IGF1R: variants seen among roughly 807,000 people sequenced by gnomAD.
IGF1R encodes insulin-like growth factor 1 receptor.
IGF1R carries 44 observed loss-of-function variants against 144.6 expected under a neutral mutation model. The ratio of observed to expected loss-of-function variants is 0.30; its 90% confidence interval spans 0.24 to 0.39. IGF1R has a LOEUF of 0.39. IGF1R is among the 10% of genes least tolerant of loss of function. The pLI, the probability that IGF1R is intolerant of heterozygous loss-of-function variation, is 1.00. For synonymous variants in IGF1R, 795 were observed against 722.8 expected (o/e 1.10, Z -1.60); for missense variants, 1,355 against 1,833.7 (o/e 0.74, Z 4.77).
chr15:98,962,244 G>A lies in IGF1R; in HGVS notation c.*4802G>A, dbSNP rs189255417. On this transcript the variant is annotated 3_prime_UTR_variant, in exon 21 of 21. Transcript: ENST00000650285. ...CTTCTAAAACACAGGCGCCCTCCTG[G>A]TGACAGTGACCCGCCGTGGTATGCC... 1.6e-3 allele frequency: 373 copies of A among 233,382 alleles called. 1 individual carries two copies. Among genetic ancestry groups the A allele is most frequent in the African/African-American group, 7.6e-3 (344 of 45,474 alleles). 14.5% of individuals were successfully genotyped at this position (233,382 alleles called of 1,614,324 possible). A position where few individuals can be genotyped will look rare whatever the true frequency, so the allele number is the denominator to read the frequency against.
At chr15:98,955,309 C>T (rs764742629) in intron 20 of IGF1R, among the ~76,000 whole-genome samples, 4 of 152,234 alleles carry the variant, frequency 2.6e-5, no homozygotes, top group Non-Finnish European at 5.9e-5. Context: ...AAGAAGCATA[C>T]TGTGGGGGCC....
At chr15:98,697,706 G>A (rs117212126) in intron 1 of IGF1R, among the ~76,000 whole-genome samples, 2 of 75,510 alleles carry the variant, frequency 2.6e-5, no homozygotes, top group Non-Finnish European at 4.8e-5. Flanking sequence ...TACTTAAATT[G>A]TGGTGAAATA....
At chr15:98,898,360 G>A (rs1237999117) in intron 4 of IGF1R, among the ~76,000 whole-genome samples, 2 of 152,202 alleles carry the variant, frequency 1.3e-5, no homozygotes, top group Non-Finnish European at 2.9e-5. Flanking sequence ...GCATGATGAT[G>A]AAATGTGTCT....
chr15:98,874,883 T>A (rs545236964), intron 2 of IGF1R, among the ~76,000 whole-genome samples: 1 of 152,308 alleles, frequency 6.6e-6, no homozygotes, highest in South Asian at 2.1e-4. Flanking sequence ...GCCGTTCTCT[T>A]CTCCAGAGCA....
In IGF1R at chr15:98,959,451, A is replaced by C. The variant is rs1430832942; in HGVS notation, c.*2009A>C. The C allele has an allele frequency of 4.3e-6, 1 of 233,490 alleles. No individual in the cohort carries two copies. The highest frequency in any genetic ancestry group is 8.5e-6 in the Non-Finnish European group (1 of 118,152). The allele number at this position is 233,490 out of a possible 1,614,324, so 14.5% of individuals were successfully genotyped here. A position where few individuals can be genotyped will look rare whatever the true frequency, so the allele number is the denominator to read the frequency against. On this transcript the variant is annotated 3_prime_UTR_variant, in exon 21 of 21. Coordinates refer to ENST00000650285, the MANE Select transcript of IGF1R (RefSeq NM_000875.5). ...CTCCTTCGCACTGGCGTTGAGTGGGACCCCGGGATCCAGGCTGGCCCAGGG... is the reference window on the plus strand; with the variant it reads ...CTCCTTCGCACTGGCGTTGAGTGGGCCCCCGGGATCCAGGCTGGCCCAGGG...
At chr15:98,921,906 G>C (rs2015503938) in intron 10 of IGF1R, among the ~76,000 whole-genome samples, 1 of 152,018 alleles carries the variant, frequency 6.6e-6, no homozygotes, top group Non-Finnish European at 1.5e-5. Context: ...TAAAATCGAA[G>C]AACCACTCTG....
At position 98,935,079 on chromosome 15, in the gene IGF1R, A is replaced by AAAT; in HGVS notation, c.3186+27_3186+29dup. 6.4e-7 allele frequency: 1 copy of AAAT among 1,558,856 alleles called. No individual in the cohort carries two copies. The highest frequency in any genetic ancestry group is 8.8e-7 in the Non-Finnish European group (1 of 1,129,984). On this transcript the variant is annotated intron_variant, in intron 16 of 20. Coordinates refer to ENST00000650285, the MANE Select transcript of IGF1R (RefSeq NM_000875.5). The surrounding 1 kb of genome is among the most constrained non-coding windows in gnomAD (Gnocchi z 4.2). Reference sequence around the variant, plus strand: ...GTAAGAGAAAGTTCCTGAAAAGCCAAAATGCAGCACAGGGAGAGGGTATCA... The same window carrying AAAT: ...GTAAGAGAAAGTTCCTGAAAAGCCAAAATAATGCAGCACAGGGAGAGGGTATCA...
At chr15:98,683,653 A>C (rs866776184) in intron 1 of IGF1R, among the ~76,000 whole-genome samples, 1 of 152,224 alleles carries the variant, frequency 6.6e-6, no homozygotes, top group Admixed American at 6.5e-5. Flanking sequence ...ATCCTCTTAT[A>C]TAAGTGCATC....
At chr15:98,666,966 A>T (rs2052757877) in intron 1 of IGF1R, among the ~76,000 whole-genome samples, 1 of 152,096 alleles carries the variant, frequency 6.6e-6, no homozygotes, top group Non-Finnish European at 1.5e-5. Flanking sequence ...ATATGTGTGG[A>T]ATAGTTGGGG....
rs114041789 is a variant in IGF1R, at chr15:98,767,733, T to C, written c.640+59626T>C. Among the ~76,000 whole-genome samples, 904 of 152,308 alleles carry C rather than the reference T, an allele frequency of 5.9e-3. 10 individuals are homozygous for C. The highest frequency in any genetic ancestry group is 0.021 in the African/African-American group (865 of 41,558). The stretch of plus-strand genomic sequence containing the variant: ...AATAGAGCGCACGAACAAAAAACTT[T>C]CCACTTGAACCCATGTTGTTTCATC... On this transcript the variant is annotated intron_variant, in intron 2 of 20. Transcript: ENST00000650285.
intron 2 of IGF1R, among the ~76,000 whole-genome samples, chr15:98,881,401 A>G (rs887612372): frequency 6.6e-6 from 1 of 152,142 alleles, no homozygotes; most frequent in Admixed American, 6.5e-5. Context: ...GCTCACTGCA[A>G]CCTCCGCCTC....
chr15:98,902,820 A>G (rs1336964757), intron 5 of IGF1R, among the ~76,000 whole-genome samples: 1 of 152,218 alleles, frequency 6.6e-6, no homozygotes, highest in Non-Finnish European at 1.5e-5. Flanking sequence ...GAACAGAACA[A>G]TTCAAGGTAC....
intron 1 of IGF1R, among the ~76,000 whole-genome samples, chr15:98,652,155 C>T (rs1335213043): frequency 4.6e-5 from 7 of 152,154 alleles, no homozygotes. Flanking sequence ...GAAGCAGAGG[C>T]AGTCATATGG....
chr15:98,829,846 C>A (rs917829187), intron 2 of IGF1R, among the ~76,000 whole-genome samples: 1 of 152,168 alleles, frequency 6.6e-6, no homozygotes, highest in African/African-American at 2.4e-5. Flanking sequence ...TTTGGTGAAA[C>A]CTGATAACCT....
intron 2 of IGF1R, among the ~76,000 whole-genome samples, chr15:98,854,862 C>G (rs2011708700): frequency 6.6e-6 from 1 of 152,016 alleles, no homozygotes; most frequent in South Asian, 2.1e-4. Flanking sequence ...GTACGAGTAC[C>G]CTGGCCTGGC....
intron 2 of IGF1R, among the ~76,000 whole-genome samples, chr15:98,763,455 C>T (rs1318929688): frequency 6.7e-6 from 1 of 149,848 alleles, no homozygotes; most frequent in African/African-American, 2.4e-5. Context: ...GGCTGGGACT[C>T]CTGATTTTTT....
At position 98,935,131 on chromosome 15, in the gene IGF1R, T is replaced by G. The variant is rs1011051417; in HGVS notation, c.3186+78T>G. The G allele has an allele frequency of 1.6e-6, 2 of 1,261,274 alleles. No individual in the cohort carries two copies. The highest frequency in any genetic ancestry group is 2.3e-6 in the Non-Finnish European group (2 of 867,822). The allele number at this position is 1,261,274 out of a possible 1,614,324, so 78.1% of individuals were successfully genotyped here. ...ACAAGCCTCCCAGTATGTTCTTGGC[T>G]GCATGTACCCGTGGGTTTGGTGTCT... On this transcript the variant is annotated intron_variant, in intron 16 of 20. Transcript: ENST00000650285. The surrounding 1 kb of genome is among the most constrained non-coding windows in gnomAD (Gnocchi z 4.2).
intron 1 of IGF1R, among the ~76,000 whole-genome samples, chr15:98,690,198 C>G (rs1271914934): frequency 6.6e-6 from 1 of 152,042 alleles, no homozygotes; most frequent in African/African-American, 2.4e-5. Context: ...AAAAAATTAG[C>G]CAAGCATGGT....
intron 1 of IGF1R, among the ~76,000 whole-genome samples, chr15:98,701,155 A>G (rs1409522622): frequency 1.3e-5 from 2 of 152,128 alleles, no homozygotes; most frequent in African/African-American, 4.8e-5. Context: ...CCGACTTCTC[A>G]CATAAGCCCA....
Sources: gnomAD v4.1 joint callset for allele counts (sites outside exome capture counted in the v4.1 genomes callset) on GRCh38, gnomAD v4.1.1 for gene constraint, Gnocchi (gnomAD v3.1) non-coding constraint, MANE v1.5 for transcripts, NCBI Gene and HGNC (gene_info 2026-07-23, HGNC 2026-07-21) for gene names.